Variants in JUP observed in about 807,000 individuals in gnomAD.
JUP encodes junction plakoglobin, also known as catenin (cadherin-associated protein), gamma 80kDa.
JUP carries 28 observed loss-of-function variants against 71.1 expected under a neutral mutation model. The ratio of observed to expected loss-of-function variants is 0.39; its 90% CI spans 0.29 to 0.54. The LOEUF (loss-of-function observed/expected upper bound fraction) is 0.54. Among genes scored for constraint, JUP ranks in the 20% least tolerant of loss-of-function variants. The probability of loss-of-function intolerance (pLI) is 0.62; values close to 1 mark genes in which losing one functional copy is unlikely to be tolerated. For missense variants in JUP, 869 were observed against 1,030.1 expected, an observed-to-expected ratio of 0.84 and a Z score of 2.14; for synonymous variants, 401 against 438.9, an observed-to-expected ratio of 0.91 and a Z score of 1.08.
At chr17:41,771,576 T>G (rs1916652008) in intron 2 of JUP, 71 bp downstream of exon 2, 2 of 1,440,470 alleles carry the variant, frequency 1.4e-6, no homozygotes. Context: ...ATCTGCCTCC[T>G]TTCACTCTGA....
At chr17:41,777,228 G>C (rs550999635) in intron 1 of JUP, among the ~76,000 whole-genome samples, 1 of 152,256 alleles carries the variant, frequency 6.6e-6, no homozygotes, top group African/African-American at 2.4e-5. Context: ...GGAGACACTG[G>C]CTGCCCTATG....
rs115276929 is a variant in JUP at position 41,756,965 on chromosome 17, A to C, written c.2046+450T>G. Among the ~76,000 whole-genome samples the C allele has an allele frequency of 7.1e-3, 1,078 of 152,336 alleles. 9 individuals carry two copies. The highest frequency in any genetic ancestry group is 0.025 in the African/African-American group (1,033 of 41,584). ...GAGAAAAGCAAAGAGGCCTTGGAGGAATAGAGGATGATGAAATGGGGTCAC... is the reference window on the plus strand; with the variant it reads ...GAGAAAAGCAAAGAGGCCTTGGAGGCATAGAGGATGATGAAATGGGGTCAC... On this transcript the variant is annotated intron_variant, in intron 12 of 13. Coordinates refer to ENST00000393931, the MANE Select transcript of JUP (RefSeq NM_002230.4).
rs1914311784 is a variant in JUP, at chr17:41,758,783, GGAC to G, written c.1582_1584del (p.Val528del). 1 of 1,611,368 alleles carries G rather than the reference GGAC, an allele frequency of 6.2e-7. No homozygotes were observed. The highest frequency in any genetic ancestry group is 1.3e-5 in the African/African-American group (1 of 74,902). On this transcript the variant is annotated inframe_deletion, in exon 9 of 14. Transcript: ENST00000393931. ...TCCTGGTGGGCCTTCACCAGCAGTTGGACGAGGCGGGGGATGACCGCTGCCTCC... is the reference window on the plus strand; with the variant it reads ...TCCTGGTGGGCCTTCACCAGCAGTTGGAGGCGGGGGATGACCGCTGCCTCC...
rs983436296 is a variant in JUP at position 41,756,030 on chromosome 17, G to A, written c.2087-135C>T. On this transcript the variant is annotated intron_variant, in intron 13 of 13. Coordinates refer to ENST00000393931, the MANE Select transcript of JUP (RefSeq NM_002230.4). ...TGACCCCTCCCCAGACCCCACACCA[G>A]GGCATCTAGACTGGGGTACATGTGG... The A allele has an allele frequency of 7.3e-5, 98 of 1,343,980 alleles. No individual in the cohort carries two copies. In the Middle Eastern group the frequency reaches 2.1e-3, roughly 29 times the overall value. 83.3% of individuals were successfully genotyped at this position (1,343,980 alleles called of 1,614,324 possible). A position where few individuals can be genotyped will look rare whatever the true frequency, so the allele number is the denominator to read the frequency against.
rs782623854 is a variant in JUP at position 41,757,701 on chromosome 17, G to A, written c.1857C>T (p.Asp619=). ...CCGAGGCCCCCTCTGCATCAATGGC[G>A]TCGGCCGCCTCCTTGTCCTGGGCCA... ...CELAQDKEAA[D]AIDAEGASAP... The change falls in exon 11 of 14, where the codon GAC becomes GAT. Residue 619 remains aspartate, a synonymous_variant. Transcript: ENST00000393931. 41 of 1,613,218 alleles carry A rather than the reference G, an allele frequency of 2.5e-5. No individual in the cohort carries two copies. The highest frequency in any genetic ancestry group is 1.2e-4 in the African/African-American group (9 of 74,898).
chr17:41,756,637 G>A (rs1046096537), intron 12 of JUP, among the ~76,000 whole-genome samples: 19 of 151,730 alleles, frequency 1.3e-4, no homozygotes, highest in Admixed American at 2.6e-4. Context: ...AGTGGCTCAC[G>A]CCTGTAATCC....
rs1374411893 is a variant in JUP, at chr17:41,755,234, C to T, written c.*510G>A. 2.0e-5 allele frequency: 8 copies of T among 398,638 alleles called. No homozygotes were observed. Among genetic ancestry groups the T allele is most frequent in the East Asian group, 3.6e-5 (1 of 28,070 alleles). 24.7% of individuals were successfully genotyped at this position (398,638 alleles called of 1,614,324 possible). A position where few individuals can be genotyped will look rare whatever the true frequency, so the allele number is the denominator to read the frequency against. ...GCTTTAGTGGCCAGGGCCACAGGGG[C>T]GGGGAGGGGGTGTCAGGCCCTGGAC... On this transcript the variant is annotated 3_prime_UTR_variant, in exon 14 of 14. Coordinates refer to ENST00000393931, the MANE Select transcript of JUP (RefSeq NM_002230.4).
rs1597781623 is a variant in JUP, at chr17:41,757,614, C to T, written c.1924+20G>A. 6.2e-7 allele frequency: 1 copy of T among 1,613,876 alleles called. No individual in the cohort carries two copies. Among genetic ancestry groups the T allele is most frequent in the Non-Finnish European group, 8.5e-7 (1 of 1,179,908 alleles). On this transcript the variant is annotated intron_variant, in intron 11 of 13. Transcript: ENST00000393931. ...TGGCTGGGGGAGTGGGACCCAGCCT[C>T]CTGCCCTCCCCCAGCTCACCAGTGC...
chr17:41,757,258 A>G (rs561265503), intron 12 of JUP, among the ~76,000 whole-genome samples, 157 bp downstream of exon 12: 2 of 152,368 alleles, frequency 1.3e-5, no homozygotes, highest in South Asian at 4.1e-4. Context: ...ATATGATTCA[A>G]CCCACTACTT....
intron 4 of JUP, 131 bp downstream of exon 4, chr17:41,768,838 C>G (rs958813897): frequency 2.6e-6 from 2 of 769,856 alleles, no homozygotes; most frequent in African/African-American, 3.4e-5. Context: ...CCACCGAGCA[C>G]CCGGATGGGG....
At chr17:41,760,319 G>A (rs541235305) in intron 8 of JUP, among the ~76,000 whole-genome samples, 5 of 148,586 alleles carry the variant, frequency 3.4e-5, no homozygotes, top group East Asian at 2.1e-4. Flanking sequence ...GCAGTGGCGC[G>A]ATCTCAGCTC....
chr17:41,758,177 T>C, intron 10 of JUP: 1 of 559,940 alleles, frequency 1.8e-6, no homozygotes, highest in Non-Finnish European at 3.1e-6. Flanking sequence ...TTTTGTTTTT[T>C]GTTTTTTTTT....
rs375094290 is a variant in JUP, at chr17:41,765,041, G to C, written c.936C>G (p.Pro312=). 32 of 1,613,992 alleles carry C rather than the reference G, an allele frequency of 2.0e-5. No homozygotes were observed. The highest frequency in any genetic ancestry group is 4.0e-5 in the African/African-American group (3 of 74,928). Residue 312 remains proline (P), a synonymous_variant, in exon 6 of 14, where the codon CCC becomes CCG. Transcript: ENST00000393931. ...TACGCATGATCTGCACGAGGGCCTG[G>C]GGCCCACCATTGGCCAGGATGATCA... The part of the protein sequence containing the change: ...SKLIILANGG[P]QALVQIMRNY...
Position 41,759,035 on chromosome 17 carries a change from C to G in JUP, c.1498-165G>C, listed in dbSNP as rs115582486. ...GAAGGAGACCATCCCAGCCATGTCA[C>G]TTAATCCACAGGATCTGGGAGTGCT... On this transcript the variant is annotated intron_variant, in intron 8 of 13. Transcript: ENST00000393931. Among the ~76,000 whole-genome samples the G allele has an allele frequency of 3.2e-3, 488 of 150,988 alleles. 1 individual carries two copies. The highest frequency in any genetic ancestry group is 0.012 in the African/African-American group (476 of 41,186).
Position 41,758,868 on chromosome 17 carries a change from T to A in JUP, c.1500A>T (p.Ala500=), listed in dbSNP as rs869025443. The change falls in exon 9 of 14, where the codon GCA becomes GCT. Residue 500 remains alanine (A), a splice_region_variant and synonymous_variant. Coordinates refer to ENST00000393931, the MANE Select transcript of JUP (RefSeq NM_002230.4). The part of the protein sequence containing the change: ...NQPNQWPLVK[A]TIGLIRNLAL... ...CCAGATTCCTGATCAAGCCGATGGT[T>A]GCCTGGCAAAAAAAGGGGCAGTGAT... 3 of 1,604,490 alleles carry A rather than the reference T, an allele frequency of 1.9e-6. No individual in the cohort carries two copies. The East Asian group carries it at 6.7e-5, about 36-fold the overall frequency.
chr17:41,774,316 T>C (rs1356468207), intron 1 of JUP, among the ~76,000 whole-genome samples: 4 of 152,128 alleles, frequency 2.6e-5, no homozygotes, highest in Non-Finnish European at 5.9e-5. Flanking sequence ...GCAGATGTTT[T>C]ATAATTTCCA....
intron 1 of JUP, among the ~76,000 whole-genome samples, chr17:41,777,041 C>T (rs540942879): frequency 3.9e-5 from 6 of 152,226 alleles, no homozygotes; most frequent in Non-Finnish European, 5.9e-5. Context: ...TTTAAAAAGG[C>T]GAGGGCTGGC....
In JUP at chr17:41,758,852, T is replaced by C. The variant is rs1914327280; in HGVS notation, c.1516A>G (p.Arg506Gly). ...TTGGCTGGGCACAGGGCCAGATTCC[T>C]GATCAAGCCGATGGTTGCCTGGCAA... ...PLVKATIGLI[R>G]NLALCPANHA... The change falls in exon 9 of 14, where the codon AGG becomes GGG. Residue 506 changes from arginine (R) to glycine (G), a missense_variant. Transcript: ENST00000393931. 1.2e-6 allele frequency: 2 copies of C among 1,607,952 alleles called. No homozygotes were observed. Among genetic ancestry groups the C allele is most frequent in the Non-Finnish European group, 1.7e-6 (2 of 1,175,720 alleles).
intron 8 of JUP, among the ~76,000 whole-genome samples, chr17:41,760,742 G>T (rs1914675584): frequency 1.3e-5 from 2 of 151,912 alleles, no homozygotes; most frequent in African/African-American, 4.8e-5. Flanking sequence ...TGTATTTTTT[G>T]TGGAGGCGGG....
Sources: gnomAD v4.1 joint callset for allele counts (sites outside exome capture counted in the v4.1 genomes callset) on GRCh38, gnomAD v4.1.1 for gene constraint, MANE v1.5 for transcripts, NCBI Gene and HGNC (gene_info 2026-07-23, HGNC 2026-07-21) for gene names.